The following ELAVL2 variants were observed in gnomAD, a reference collection of about 807,000 sequenced individuals.
ELAVL2 encodes the protein ELAV-like protein 2.
In ELAVL2, 4 loss-of-function variants were observed where a neutral mutation model predicts 34.6. The observed-to-expected ratio is 0.12, with a 90% CI of 0.06 to 0.26. The LOEUF (loss-of-function observed/expected upper bound fraction) is 0.26. ELAVL2 is among the 10% of genes least tolerant of loss of function. The pLI is 1.00. For missense variants in ELAVL2, 432 were observed against 442.8 expected (o/e 0.98, Z 0.22); for synonymous variants, 193 against 154.8 (o/e 1.25, Z -1.83).
chr9:23,701,413 G>C lies in ELAVL2; in HGVS notation c.679C>G (p.Pro227Ala), dbSNP rs1176233896. ...TGTGCCTGCTGAGCTAGCGGTCCTG[G>C]ATACCTTCTGTTTGGAGACTGGTAC... ...QLYQSPNRRY[P>A]GPLAQQAQRF... Residue 227 changes from proline to alanine, a missense_variant, in exon 5 of 7, where the codon CCA (proline) becomes GCA (alanine). Pro to Ala is a conservative substitution (Grantham distance 27). This residue lies in a region of ELAVL2 where 295 missense variants were observed against 306.1 expected (regional missense o/e 0.96). Transcript: ENST00000397312. 1.2e-6 allele frequency: 2 copies of C among 1,614,076 alleles called. No individual in the cohort carries two copies. Among genetic ancestry groups the C allele is most frequent in the South Asian group, 1.1e-5 (1 of 91,084 alleles).
chr9:23,718,399 C>T (rs973035714), intron 3 of ELAVL2, among the ~76,000 whole-genome samples: 1 of 152,122 alleles, frequency 6.6e-6, no homozygotes, highest in African/African-American at 2.4e-5. Context: ...GGTATACATA[C>T]ACAAAGAAGT....
At position 23,692,888 on chromosome 9, in the gene ELAVL2, C is replaced by A; in HGVS notation, c.753-4G>T. 1 of 1,612,472 alleles carries A rather than the reference C, an allele frequency of 6.2e-7. No homozygotes were observed. The highest frequency in any genetic ancestry group is 2.2e-5 in the East Asian group (1 of 44,816). ...GTCAATGGTCATTGGAGAAAACCTG[C>A]TAAACAGAATAGGAAATACACACAT... is the stretch of plus-strand genomic sequence containing the variant. On this transcript the variant is annotated splice_region_variant and splice_polypyrimidine_tract_variant and intron_variant, in intron 6 of 6. Transcript: ENST00000397312.
At chr9:23,825,112 C>G (rs79405062) in intron 1 of ELAVL2, among the ~76,000 whole-genome samples, 1 of 152,268 alleles carries the variant, frequency 6.6e-6, no homozygotes, top group East Asian at 1.9e-4. Flanking sequence ...AAGAATTCAG[C>G]CCCAAATTGG....
intron 3 of ELAVL2, among the ~76,000 whole-genome samples, chr9:23,721,954 G>C (rs1478752589): frequency 6.6e-6 from 1 of 152,196 alleles, no homozygotes; most frequent in Admixed American, 6.5e-5. Context: ...GGAGTCAAAA[G>C]TTAGACTTTT....
At chr9:23,732,037 T>A (rs1482340797) in intron 2 of ELAVL2, among the ~76,000 whole-genome samples, 1 of 152,194 alleles carries the variant, frequency 6.6e-6, no homozygotes. Context: ...GTTTCTCAGT[T>A]TGAAATGGCA....
At chr9:23,768,505 T>C (rs1050114800) in intron 1 of ELAVL2, among the ~76,000 whole-genome samples, 2 of 151,848 alleles carry the variant, frequency 1.3e-5, no homozygotes, top group African/African-American at 2.4e-5. Context: ...ACACAAATAA[T>C]CATGAGTGGC....
the ELAVL2 span, among the ~76,000 whole-genome samples, chr9:23,838,900 G>T: frequency 2.0e-5 from 3 of 152,100 alleles, no homozygotes; most frequent in Non-Finnish European, 4.4e-5. Flanking sequence ...CTATTTCAGT[G>T]TCCTAAACAG....
At chr9:23,785,753 C>A (rs1342882064) in intron 1 of ELAVL2, among the ~76,000 whole-genome samples, 1 of 152,142 alleles carries the variant, frequency 6.6e-6, no homozygotes, top group Non-Finnish European at 1.5e-5. Context: ...AGCATATGAC[C>A]AGCTCCAGTC....
At chr9:23,748,942 C>A (rs1310406252) in intron 2 of ELAVL2, among the ~76,000 whole-genome samples, 3 of 151,788 alleles carry the variant, frequency 2.0e-5, no homozygotes, top group Non-Finnish European at 4.4e-5. Flanking sequence ...TTCATAGAGA[C>A]ACAGAAAATA....
At chr9:23,720,234 GTAATCTC>G (rs2043321678) in intron 3 of ELAVL2, among the ~76,000 whole-genome samples, 4 of 151,576 alleles carry the variant, frequency 2.6e-5, no homozygotes, top group Admixed American at 6.6e-5. Flanking sequence ...GTGCAGTGGT[GTAATCTC>G]GGCTCACAGC....
upstream of ELAVL2, among the ~76,000 whole-genome samples, chr9:23,826,740 C>G (rs1281015662): frequency 2.0e-5 from 3 of 152,134 alleles, no homozygotes; most frequent in African/African-American, 7.2e-5. Flanking sequence ...ACATTTAACT[C>G]TGTCCGGTAT....
At chr9:23,783,131 A>AATACCTGTGAAAGGC (rs2059279122) in intron 1 of ELAVL2, among the ~76,000 whole-genome samples, 1 of 152,162 alleles carries the variant, frequency 6.6e-6, no homozygotes, top group African/African-American at 2.4e-5. Flanking sequence ...AATTTACTCC[A>AATACCTGTGAAAGGC]ATACCTGTGA....
At chr9:23,698,966 T>G (rs1438911130) in intron 5 of ELAVL2, among the ~76,000 whole-genome samples, 1 of 152,136 alleles carries the variant, frequency 6.6e-6, no homozygotes, top group Non-Finnish European at 1.5e-5. Context: ...GGACAACAGT[T>G]AAAAATCTGA....
chr9:23,791,322 T>C (rs1322960846), intron 1 of ELAVL2, among the ~76,000 whole-genome samples: 2 of 152,162 alleles, frequency 1.3e-5, no homozygotes, highest in Non-Finnish European at 2.9e-5. Context: ...ACTAAAACTG[T>C]AGATCAGAAA....
intron 3 of ELAVL2, among the ~76,000 whole-genome samples, chr9:23,708,814 A>AT (rs1010004129): frequency 1.3e-5 from 2 of 151,406 alleles, no homozygotes; most frequent in African/African-American, 4.9e-5. Context: ...CTTTTTTTGT[A>AT]TTTTTTAGAG....
intron 3 of ELAVL2, among the ~76,000 whole-genome samples, chr9:23,706,485 T>C (rs951415325): frequency 6.6e-6 from 1 of 152,244 alleles, no homozygotes; most frequent in Non-Finnish European, 1.5e-5. Flanking sequence ...GCCCCAATTG[T>C]AATTGATGAC....
chr9:23,719,231 T>C (rs2043060138), intron 3 of ELAVL2, among the ~76,000 whole-genome samples: 1 of 152,222 alleles, frequency 6.6e-6, no homozygotes, highest in African/African-American at 2.4e-5. Context: ...GCCCTTTCCC[T>C]GGGTCTTGCT....
Position 23,815,156 on chromosome 9 carries a change from G to A in ELAVL2, c.-16+10650C>T, listed in dbSNP as rs528535081. Among the ~76,000 whole-genome samples, 44 of 151,908 alleles carry A rather than the reference G, an allele frequency of 2.9e-4. 1 individual carries two copies. The highest frequency in any genetic ancestry group is 1.0e-3 in the South Asian group (5 of 4,820). ...ATAAAATTCAAATCAGAGAAAACGC[G>A]GACTATTTTAATATAAATGGTTAAA... On this transcript the variant is annotated intron_variant, in intron 1 of 6. Transcript: ENST00000397312.
At chr9:23,731,254 T>C in intron 2 of ELAVL2, 129 bp from the exon 3 acceptor site, 1 of 670,468 alleles carries the variant, frequency 1.5e-6, no homozygotes, top group Non-Finnish European at 2.3e-6. Flanking sequence ...GAACTCTCTA[T>C]TAATTCTAGA....
Sources: allele counts gnomAD v4.1 joint callset (sites outside exome capture counted in the v4.1 genomes callset), GRCh38; gene constraint gnomAD v4.1.1; regional missense constraint gnomAD v4.1.1; transcripts MANE v1.5; gene names NCBI Gene and HGNC (gene_info 2026-07-23, HGNC 2026-07-21).